MAPK10: variants seen among roughly 807,000 people sequenced by gnomAD.
The protein encoded by MAPK10 is mitogen-activated protein kinase 10.
In MAPK10, 25 loss-of-function variants were observed where a neutral mutation model predicts 59.3. That is an observed-to-expected ratio of 0.42 (90% CI 0.31 to 0.59). The LOEUF (loss-of-function observed/expected upper bound fraction) is 0.59. Ranked by LOEUF, MAPK10 falls within the 20% of genes least tolerant of loss-of-function variation. The pLI is 0.15. For synonymous variants in MAPK10, 190 were observed against 200.5 expected, an observed-to-expected ratio of 0.95 and a Z score of 0.44; for missense variants, 351 against 568.9, an observed-to-expected ratio of 0.62 and a Z score of 3.90.
chr4:86,160,035 T>G (rs2069062045), intron 3 of MAPK10, among the ~76,000 whole-genome samples: 1 of 152,072 alleles, frequency 6.6e-6, no homozygotes, highest in Non-Finnish European at 1.5e-5. Flanking sequence ...GCTATTGTTC[T>G]GAATTAAGCA....
intron 2 of MAPK10, among the ~76,000 whole-genome samples, chr4:86,294,892 G>T (rs1166875224): frequency 2.0e-5 from 3 of 152,186 alleles, no homozygotes; most frequent in Non-Finnish European, 4.4e-5. Flanking sequence ...ACCCCACAAG[G>T]CTTTGGAAAG....
intron 3 of MAPK10, among the ~76,000 whole-genome samples, chr4:86,174,654 T>A (rs1268103447): frequency 6.6e-6 from 1 of 152,160 alleles, no homozygotes; most frequent in Non-Finnish European, 1.5e-5. Flanking sequence ...AACACTTCTC[T>A]TTCCACAGTG....
intron 5 of MAPK10, among the ~76,000 whole-genome samples, chr4:86,105,536 G>A (rs1414315386): frequency 1.3e-5 from 2 of 152,062 alleles, no homozygotes; most frequent in African/African-American, 4.8e-5. Flanking sequence ...CTGGAATGAG[G>A]ATGAGGGAAA....
intron 4 of MAPK10, among the ~76,000 whole-genome samples, chr4:86,154,650 G>T (rs958946131): frequency 2.0e-5 from 3 of 151,844 alleles, no homozygotes; most frequent in Non-Finnish European, 4.4e-5. Context: ...AGCTTGTTTT[G>T]TACTCTCCTG....
intron 2 of MAPK10, among the ~76,000 whole-genome samples, chr4:86,319,929 T>C (rs1043773185): frequency 6.6e-6 from 1 of 152,200 alleles, no homozygotes; most frequent in African/African-American, 2.4e-5. Flanking sequence ...CTCACTCCTG[T>C]CCCTCTAAAG....
At chr4:86,160,993 GGAGCC>G (rs2069433655) in intron 3 of MAPK10, among the ~76,000 whole-genome samples, 1 of 22,256 alleles carries the variant, frequency 4.5e-5, no homozygotes, top group Non-Finnish European at 3.2e-4. Context: ...AGAATACAAT[GGAGCC>G]CATGTGAACA....
chr4:86,395,468 GA>G (rs767083895), intron 1 of MAPK10, among the ~76,000 whole-genome samples: 1 of 152,134 alleles, frequency 6.6e-6, no homozygotes, highest in Non-Finnish European at 1.5e-5. Context: ...ATGCCAAGAG[GA>G]GCAAAAGAAT....
At chr4:86,585,573 T>C (rs1453357894) in intron 1 of MAPK10, among the ~76,000 whole-genome samples, 1 of 152,224 alleles carries the variant, frequency 6.6e-6, no homozygotes, top group Admixed American at 6.5e-5. Context: ...AGTGAAAATA[T>C]AATGCTTACA....
At position 86,441,177 on chromosome 4, in the gene MAPK10, A is replaced by G. The variant is rs115750853; in HGVS notation, c.-122+11853T>C. Among the ~76,000 whole-genome samples the G allele has an allele frequency of 6.1e-3, 923 of 152,320 alleles. 7 individuals carry two copies. The highest frequency in any genetic ancestry group is 0.02 in the African/African-American group (825 of 41,580). ...GATATAGGAAATGGGATGTATTTTC[A>G]TGTGCATGTTTGCATGTATATAATG... On this transcript the variant is annotated intron_variant, in intron 1 of 13. Transcript: ENST00000361569.
chr4:86,338,255 G>GGTCGTT lies in MAPK10; in HGVS notation c.-7+16269_-7+16274dup, dbSNP rs150548983. Among the ~76,000 whole-genome samples, 732 of 152,310 alleles carry GGTCGTT rather than the reference G, an allele frequency of 4.8e-3. 3 individuals are homozygous for GGTCGTT. Among genetic ancestry groups the GGTCGTT allele is most frequent in the African/African-American group, 0.016 (673 of 41,546 alleles). ...TCCTAAGTACTAATAAAGGCATCTAGGTCGTTGTCCAAAACACTAAAACTA... is the reference window on the plus strand; with the variant it reads ...TCCTAAGTACTAATAAAGGCATCTAGGTCGTTGTCGTTGTCCAAAACACTAAAACTA... On this transcript the variant is annotated intron_variant, in intron 2 of 13. Transcript: ENST00000641462.
Position 86,053,000 on chromosome 4 carries a change from A to T in MAPK10, c.1110+11266T>A, listed in dbSNP as rs79889977. Among the ~76,000 whole-genome samples the T allele has an allele frequency of 4.7e-3, 716 of 151,170 alleles. 29 individuals are homozygous for T. In the East Asian group the frequency reaches 0.1, roughly 22 times the overall value. ...TGTGCCTGGAGGGTATTTTTTTTTTAAAAAGAAGAATGTAGTATTTAAAAG... is the reference window on the plus strand; with the variant it reads ...TGTGCCTGGAGGGTATTTTTTTTTTTAAAAGAAGAATGTAGTATTTAAAAG... On this transcript the variant is annotated intron_variant, in intron 11 of 13. Coordinates refer to ENST00000641462, the MANE Select transcript of MAPK10 (RefSeq NM_138982.4).
At chr4:86,021,945 G>A (rs1747262092) in intron 13 of MAPK10, among the ~76,000 whole-genome samples, 1 of 152,212 alleles carries the variant, frequency 6.6e-6, no homozygotes, top group South Asian at 2.1e-4. Flanking sequence ...ACTCCAGCTG[G>A]CCCGCAAGCG....
intron 1 of MAPK10, among the ~76,000 whole-genome samples, chr4:86,493,970 G>A (rs1259552157): frequency 2.0e-5 from 3 of 152,100 alleles, no homozygotes; most frequent in Non-Finnish European, 4.4e-5. Context: ...AGGAAGGAGA[G>A]AAATTTCAGG....
intron 1 of MAPK10, among the ~76,000 whole-genome samples, chr4:86,383,859 CA>C (rs1741091228): frequency 1.3e-5 from 2 of 152,084 alleles, no homozygotes; most frequent in African/African-American, 4.8e-5. Flanking sequence ...AATTGAAAGG[CA>C]AAAGGGCAAA....
intron 1 of MAPK10, among the ~76,000 whole-genome samples, chr4:86,566,896 C>A (rs1761098485): frequency 6.6e-6 from 1 of 152,026 alleles, no homozygotes. Context: ...TGGCGAAACC[C>A]CGTCTCTACT....
At chr4:86,218,265 G>A (rs541120054) in intron 2 of MAPK10, among the ~76,000 whole-genome samples, 97 of 151,416 alleles carry the variant, frequency 6.4e-4, no homozygotes, top group African/African-American at 2.2e-3. Context: ...GTGCAGTGGC[G>A]CCATCTCAGC....
intron 1 of MAPK10, among the ~76,000 whole-genome samples, chr4:86,464,865 G>A (rs564952000): frequency 2.6e-5 from 4 of 152,104 alleles, no homozygotes; most frequent in Admixed American, 1.3e-4. Flanking sequence ...TCACATTAGG[G>A]CTCATACACC....
intron 9 of MAPK10, among the ~76,000 whole-genome samples, chr4:86,073,818 G>A (rs1239366245): frequency 6.5e-5 from 7 of 107,046 alleles, no homozygotes; most frequent in African/African-American, 2.9e-4. Context: ...TTCCAACTAT[G>A]TGGTCAATTT....
intron 11 of MAPK10, among the ~76,000 whole-genome samples, chr4:86,048,880 AT>A (rs1004633026): frequency 2.8e-4 from 42 of 152,178 alleles, no homozygotes; most frequent in African/African-American, 9.6e-4. Flanking sequence ...ACAAATATTT[AT>A]TTTTCCCCTT....
Sources: gnomAD v4.1 joint callset for allele counts (sites outside exome capture counted in the v4.1 genomes callset) on GRCh38, gnomAD v4.1.1 for gene constraint, MANE v1.5 for transcripts, NCBI Gene and HGNC (gene_info 2026-07-23, HGNC 2026-07-21) for gene names.